The following VHL variants were observed in gnomAD, a reference collection of about 807,000 sequenced individuals.
VHL encodes von Hippel-Lindau disease tumor suppressor.
Under a neutral mutation model 19.2 loss-of-function variants are expected in VHL, and 10 were observed. The observed-to-expected ratio is 0.52, with a 90% CI of 0.32 to 0.89. The LOEUF is 0.89. VHL is among the 40% of genes least tolerant of loss of function. The probability of loss-of-function intolerance (pLI) is 0.03; values close to 1 mark genes in which losing one functional copy is unlikely to be tolerated. For synonymous variants in VHL, 167 were observed against 129.5 expected, an observed-to-expected ratio of 1.29 and a Z score of -1.97; for missense variants, 328 against 292.7, an observed-to-expected ratio of 1.12 and a Z score of -0.88.
intron 1 of VHL, among the ~76,000 whole-genome samples, chr3:10,144,496 C>CTTTTTTTTTTTTT (rs34512214): frequency 3.4e-5 from 4 of 116,658 alleles, no homozygotes; most frequent in African/African-American, 7.0e-5. Context: ...TCTATCTTGT[C>CTTTTTTTTTTTTT]TTTTTTTTTT....
In VHL at chr3:10,150,509, G is replaced by T. The variant is rs1696384378; in HGVS notation, c.*544G>T. The stretch of plus-strand genomic sequence containing the variant: ...AGAGGAACAAACCAGGGGACACTTT[G>T]TTAGAAAGTGCTTAGAGGTTCTGCC... On this transcript the variant is annotated 3_prime_UTR_variant, in exon 3 of 3. Coordinates refer to ENST00000256474, the MANE Select transcript of VHL (RefSeq NM_000551.4). 5.3e-6 allele frequency: 2 copies of T among 379,974 alleles called. No homozygotes were observed. The highest frequency in any genetic ancestry group is 8.3e-6 in the Non-Finnish European group (2 of 241,674). The allele number at this position is 379,974 out of a possible 1,614,324, so 23.5% of individuals were successfully genotyped here. A position where few individuals can be genotyped will look rare whatever the true frequency, so the allele number is the denominator to read the frequency against.
Position 10,152,879 on chromosome 3 carries a change from A to C in VHL, c.*2914A>C, listed in dbSNP as rs1696448843. 6.6e-6 allele frequency among the ~76,000 whole-genome samples: 1 copy of C among 152,164 alleles called. No homozygotes were observed. Among genetic ancestry groups the C allele is most frequent in the South Asian group, 2.1e-4 (1 of 4,836 alleles). On this transcript the variant is annotated 3_prime_UTR_variant, in exon 3 of 3. Transcript: ENST00000256474. Reference sequence around the variant, plus strand: ...ACCTGCAGGCCGAGCACAGTGGCTCATGCCTGTAATCCCAGCATTTTGGGA... The same window carrying C: ...ACCTGCAGGCCGAGCACAGTGGCTCCTGCCTGTAATCCCAGCATTTTGGGA...
At position 10,146,480 on chromosome 3, in the gene VHL, G is replaced by T. The variant is rs777033554; in HGVS notation, c.341-34G>T. 3 of 1,611,628 alleles carry T rather than the reference G, an allele frequency of 1.9e-6. No homozygotes were observed. The African/African-American group carries it at 4.0e-5, about 22-fold the overall frequency. On this transcript the variant is annotated intron_variant, in intron 1 of 2. Transcript: ENST00000256474. ...TGGGCCACCGTGCCCAGCCACCGGTGTGGCTCTTTAACAACCTTTGCTTGT... is the reference window on the plus strand; with the variant it reads ...TGGGCCACCGTGCCCAGCCACCGGTTTGGCTCTTTAACAACCTTTGCTTGT...
chr3:10,145,049 GC>G (rs34146044), intron 1 of VHL, among the ~76,000 whole-genome samples: 3,963 of 152,130 alleles, frequency 0.026, 183 homozygotes, highest in African/African-American at 0.091. Context: ...AAAGTTAGCT[GC>G]ATGTGGTGGC....
Position 10,152,864 on chromosome 3 carries a change from C to T in VHL, c.*2899C>T, listed in dbSNP as rs1057459387. Among the ~76,000 whole-genome samples the T allele has an allele frequency of 4.6e-5, 7 of 152,064 alleles. No individual in the cohort carries two copies. The highest frequency in any genetic ancestry group is 1.7e-4 in the African/African-American group (7 of 41,412). On this transcript the variant is annotated 3_prime_UTR_variant, in exon 3 of 3. Coordinates refer to ENST00000256474, the MANE Select transcript of VHL (RefSeq NM_000551.4). ...GCTCCTCTTGTTAAAACCTGCAGGC[C>T]GAGCACAGTGGCTCATGCCTGTAAT... is the stretch of plus-strand genomic sequence containing the variant.
chr3:10,146,712 C>T (rs1384761461), intron 2 of VHL, 76 bp downstream of exon 2: 12 of 1,597,280 alleles, frequency 7.5e-6, no homozygotes, highest in Non-Finnish European at 9.4e-6. Flanking sequence ...AAATTAAGCC[C>T]AGTTCTCAAT....
Position 10,153,564 on chromosome 3 carries a change from A to G in VHL, c.*3599A>G, listed in dbSNP as rs1280004011. Reference sequence around the variant, plus strand: ...TTCGAATCTTGTGAATGTATTAAATATATCGCTCTTAAGAGACGGTGAAGT... The same window carrying G: ...TTCGAATCTTGTGAATGTATTAAATGTATCGCTCTTAAGAGACGGTGAAGT... On this transcript the variant is annotated 3_prime_UTR_variant, in exon 3 of 3. Transcript: ENST00000256474. Among the ~76,000 whole-genome samples the G allele has an allele frequency of 6.6e-6, 1 of 151,890 alleles. No homozygotes were observed. Among genetic ancestry groups the G allele is most frequent in the Admixed American group, 6.6e-5 (1 of 15,216 alleles).
rs587780732 is a variant in VHL at position 10,146,589 on chromosome 3, C to T, written c.416C>T (p.Ser139Phe). The T allele has an allele frequency of 6.2e-7, 1 of 1,614,020 alleles. No homozygotes were observed. Among genetic ancestry groups the T allele is most frequent in the Non-Finnish European group, 8.5e-7 (1 of 1,179,942 alleles). Residue 139 changes from serine to phenylalanine, a missense_variant, in exon 2 of 3, where the codon TCT (serine) becomes TTT (phenylalanine). Physicochemically the swap from Ser to Phe is radical, Grantham distance 155. Transcript: ENST00000256474. ...LVNQTELFVP[S>F]LNVDGQPIFA... ...AACCAAACTGAATTATTTGTGCCAT[C>T]TCTCAATGTTGACGGACAGCCTATT... is the stretch of plus-strand genomic sequence containing the variant.
rs886041253 is a variant in VHL, at chr3:10,141,835, G to GATCGCGGAGGGAAT, written c.-12_2dup. The GATCGCGGAGGGAAT allele has an allele frequency of 1.0e-5, 16 of 1,536,700 alleles. No individual in the cohort carries two copies. In the Admixed American group the frequency reaches 3.3e-4, roughly 32 times the overall value. On this transcript the variant is annotated 5_prime_UTR_variant, in exon 1 of 3. Transcript: ENST00000256474. ...CGCGGCGTCCGGCCCGGGTGGTCTG[G>GATCGCGGAGGGAAT]ATCGCGGAGGGAATGCCCCGGAGGG...
chr3:10,147,313 G>A (rs974601270), intron 2 of VHL, among the ~76,000 whole-genome samples: 1 of 149,518 alleles, frequency 6.7e-6, no homozygotes, highest in Non-Finnish European at 1.5e-5. Context: ...CCTGGCCTAT[G>A]TATTTTCAAT....
Position 10,153,358 on chromosome 3 carries a change from G to A in VHL, c.*3393G>A, listed in dbSNP as rs1030884081. Among the ~76,000 whole-genome samples, 26 of 151,956 alleles carry A rather than the reference G, an allele frequency of 1.7e-4. No individual in the cohort carries two copies. The highest frequency in any genetic ancestry group is 6.3e-4 in the African/African-American group (26 of 41,398). ...GCAGGCGAATCTCTTGAACCCGGGA[G>A]GCGGAGGTTGCAGTGAGCCAAGATC... On this transcript the variant is annotated 3_prime_UTR_variant, in exon 3 of 3. Transcript: ENST00000256474.
At position 10,142,818 on chromosome 3, in the gene VHL, A is replaced by G. The variant is rs947805761; in HGVS notation, c.340+631A>G. On this transcript the variant is annotated intron_variant, in intron 1 of 2. Transcript: ENST00000256474. ...TAGTCCCTGCCCTCGTGGAGAACAC[A>G]TTCCTCCTGGGGAGACTGACAGATG... 6.6e-6 allele frequency: 1 copy of G among 152,610 alleles called. No homozygotes were observed. The highest frequency in any genetic ancestry group is 6.5e-5 in the Admixed American group (1 of 15,288). 9.5% of individuals were successfully genotyped at this position (152,610 alleles called of 1,614,324 possible).
chr3:10,147,345 T>C (rs987759554), intron 2 of VHL, among the ~76,000 whole-genome samples: 7 of 142,866 alleles, frequency 4.9e-5, no homozygotes, highest in Non-Finnish European at 9.0e-5. Context: ...AAGCTCACAG[T>C]GCCAATCAGA....
intron 1 of VHL, among the ~76,000 whole-genome samples, chr3:10,144,418 G>T (rs778550164): frequency 3.9e-5 from 6 of 152,008 alleles, no homozygotes; most frequent in Non-Finnish European, 5.9e-5. Context: ...GGAGGCTACA[G>T]TGAACTATGA....
rs201663073 is a variant in VHL, at chr3:10,142,060, C to T, written c.213C>T (p.Pro71=). 6.9e-5 allele frequency: 111 copies of T among 1,607,260 alleles called. 2 individuals are homozygous for T. In the South Asian group the frequency reaches 8.8e-4, roughly 13 times the overall value. Residue 71 remains proline, a synonymous_variant, in exon 1 of 3, where the codon CCC becomes CCT. Transcript: ENST00000256474. ...PVLRSVNSRE[P]SQVIFCNRSP... is the part of the protein sequence containing the mutation. Reference sequence around the variant, plus strand: ...TGCGCTCGGTGAACTCGCGCGAGCCCTCCCAGGTCATCTTCTGCAATCGCA... The same window carrying T: ...TGCGCTCGGTGAACTCGCGCGAGCCTTCCCAGGTCATCTTCTGCAATCGCA...
chr3:10,150,469 C>A lies in VHL; in HGVS notation c.*504C>A. On this transcript the variant is annotated 3_prime_UTR_variant, in exon 3 of 3. Transcript: ENST00000256474. ...CCAGTGCCTGCACATCATGAGCCTT[C>A]AGTCAGGGTTTGTCAGAGGAACAAA... The A allele has an allele frequency of 1.5e-6, 1 of 677,634 alleles. No individual in the cohort carries two copies. Among genetic ancestry groups the A allele is most frequent in the Non-Finnish European group, 2.0e-6 (1 of 503,520 alleles). The allele number at this position is 677,634 out of a possible 1,614,324, so 42.0% of individuals were successfully genotyped here.
At position 10,153,601 on chromosome 3, in the gene VHL, GT is replaced by G. The variant is rs67891117; in HGVS notation, c.*3659del. ...AGAGACGGTGAAGTTCCTATTTCAA[GT>G]TTTTTTTTTTTTTTTTTTTTTTAAA... On this transcript the variant is annotated 3_prime_UTR_variant, in exon 3 of 3. Transcript: ENST00000256474. Among the ~76,000 whole-genome samples the G allele has an allele frequency of 3.3e-3, 93 of 28,134 alleles. No individual in the cohort carries two copies. Among genetic ancestry groups the G allele is most frequent in the South Asian group, 0.012 (16 of 1,300 alleles). 18.5% of individuals were successfully genotyped at this position (28,134 alleles called of 152,430 possible). A position where few individuals can be genotyped will look rare whatever the true frequency, so the allele number is the denominator to read the frequency against.
At position 10,151,520 on chromosome 3, in the gene VHL, A is replaced by C. The variant is rs1696410362; in HGVS notation, c.*1555A>C. 4.4e-6 allele frequency: 1 copy of C among 226,226 alleles called. No individual in the cohort carries two copies. Among genetic ancestry groups the C allele is most frequent in the Non-Finnish European group, 8.8e-6 (1 of 113,766 alleles). The allele number at this position is 226,226 out of a possible 1,614,324, so 14.0% of individuals were successfully genotyped here. On this transcript the variant is annotated 3_prime_UTR_variant, in exon 3 of 3. Coordinates refer to ENST00000256474, the MANE Select transcript of VHL (RefSeq NM_000551.4). The stretch of plus-strand genomic sequence containing the variant: ...ACTTCTTAAATACAATCACATTAAC[A>C]TTTTGAGCTATTTCCTTCCAGCCTT...
At position 10,148,213 on chromosome 3, in the gene VHL, TAAGTTA is replaced by T. The variant is rs540414165; in HGVS notation, c.464-1571_464-1566del. On this transcript the variant is annotated intron_variant, in intron 2 of 2. Coordinates refer to ENST00000256474, the MANE Select transcript of VHL (RefSeq NM_000551.4). ...GTAGATATATAAAAATGAGCATTGCTAAGTTAAATTTGGTAAATTTGCCTTATAGAA... is the reference window on the plus strand; with the variant it reads ...GTAGATATATAAAAATGAGCATTGCTAATTTGGTAAATTTGCCTTATAGAA... 5.8e-3 allele frequency among the ~76,000 whole-genome samples: 890 copies of T among 152,182 alleles called. 11 individuals are homozygous for T. The highest frequency in any genetic ancestry group is 0.02 in the African/African-American group (828 of 41,534).
Sources: allele counts gnomAD v4.1 joint callset (sites outside exome capture counted in the v4.1 genomes callset), GRCh38; gene constraint gnomAD v4.1.1; transcripts MANE v1.5; gene names NCBI Gene and HGNC (gene_info 2026-07-23, HGNC 2026-07-21).